Variants in LRPPRC observed in about 807,000 individuals in gnomAD.
The protein encoded by LRPPRC is leucine rich pentatricopeptide repeat containing.
A neutral mutation model predicts 180.3 loss-of-function variants in LRPPRC; 120 were observed. The ratio of observed to expected loss-of-function variants is 0.67; its 90% confidence interval spans 0.57 to 0.77. The LOEUF (loss-of-function observed/expected upper bound fraction) is 0.77, where lower values mean the gene tolerates loss of function less well. LRPPRC is among the 30% of genes least tolerant of loss of function. LRPPRC has a pLI of 0.00. For synonymous variants in LRPPRC, 723 were observed against 600.0 expected (o/e 1.21, Z -3.00); for missense variants, 2,012 against 1,657.2 (o/e 1.21, Z -3.72).
rs1672820671 is a variant in LRPPRC, at chr2:43,949,615, A to G, written c.1722T>C (p.Pro574=). Reference sequence around the variant, plus strand: ...TTGAAACGCTACCCGTCGGTCCTCGAGGCTCCTGGCAATAACGTCCATCCT... The same window carrying G: ...TTGAAACGCTACCCGTCGGTCCTCGGGGCTCCTGGCAATAACGTCCATCCT... ...LYKDGRYCQE[P]RGPTEAVGYF... is the part of the protein sequence containing the mutation. Residue 574 remains proline (P), a synonymous_variant, in exon 16 of 38, where the codon CCT becomes CCC. Transcript: ENST00000260665. The G allele has an allele frequency of 6.2e-7, 1 of 1,613,826 alleles. No individual in the cohort carries two copies. Among genetic ancestry groups the G allele is most frequent in the African/African-American group, 1.3e-5 (1 of 75,056 alleles).
chr2:43,909,411 G>A (rs1378250006), intron 30 of LRPPRC, among the ~76,000 whole-genome samples: 2 of 152,078 alleles, frequency 1.3e-5, no homozygotes, highest in African/African-American at 4.8e-5. Context: ...CTCAGAAGCA[G>A]AGTATGATGG....
At chr2:43,989,476 G>A (rs914112167) in intron 1 of LRPPRC, among the ~76,000 whole-genome samples, 2 of 152,184 alleles carry the variant, frequency 1.3e-5, no homozygotes, top group African/African-American at 4.8e-5. Context: ...GACCGATAAT[G>A]TGACATGGAC....
At chr2:43,961,959 C>T (rs1673364940) in intron 12 of LRPPRC, among the ~76,000 whole-genome samples, 1 of 151,992 alleles carries the variant, frequency 6.6e-6, no homozygotes, top group South Asian at 2.1e-4. Flanking sequence ...CAAGACTCTG[C>T]CTCAAAAAAC....
At chr2:43,916,671 A>G (rs1671478630) in intron 29 of LRPPRC, among the ~76,000 whole-genome samples, 1 of 152,180 alleles carries the variant, frequency 6.6e-6, no homozygotes, top group Admixed American at 6.5e-5. Context: ...AGAATAGTAC[A>G]GGTTGGGGGT....
chr2:43,974,499 G>A (rs1673961590), intron 8 of LRPPRC, 115 bp downstream of exon 8: 1 of 855,056 alleles, frequency 1.2e-6, no homozygotes. Context: ...CTGACTTTAA[G>A]AGTTCTATGT....
intron 27 of LRPPRC, 130 bp from the exon 28 acceptor site, chr2:43,918,528 C>T: frequency 2.7e-6 from 2 of 747,466 alleles, no homozygotes; most frequent in Admixed American, 4.7e-5. Flanking sequence ...GGGAAAGGAA[C>T]CAAAAGTGAC....
chr2:43,896,423 G>GT (rs201498849), intron 35 of LRPPRC: 1 of 479,116 alleles, frequency 2.1e-6, no homozygotes, highest in East Asian at 4.0e-5. Context: ...GCATACCTGT[G>GT]TAAGTGGAAA....
intron 31 of LRPPRC, 41 bp downstream of exon 31, chr2:43,905,651 G>T (rs1558913133): frequency 2.9e-6 from 4 of 1,390,044 alleles, no homozygotes; most frequent in Non-Finnish European, 3.1e-6. Context: ...AAAATCTGCA[G>T]AGGCATTAAT....
chr2:43,952,900 T>C lies in LRPPRC; in HGVS notation c.1650-2300A>G, dbSNP rs79689043. On this transcript the variant is annotated intron_variant, in intron 14 of 37. Transcript: ENST00000260665. ...ATCTGTCAATCTTAACTTCATCATG[T>C]AAACCTTTCAATGGCTCGAAGCCAT... Among the ~76,000 whole-genome samples, 617 of 152,312 alleles carry C rather than the reference T, an allele frequency of 4.1e-3. 25 individuals are homozygous for C. The East Asian group carries it at 0.096, about 24-fold the overall frequency.
intron 3 of LRPPRC, among the ~76,000 whole-genome samples, chr2:43,977,485 T>TA (rs1285479271): frequency 6.6e-6 from 1 of 152,116 alleles, no homozygotes; most frequent in African/African-American, 2.4e-5. Context: ...ACTGTATAGT[T>TA]ACAAGTAACT....
At chr2:43,915,232 T>TCTCTCTCTCTCTCTCTCTCTCACACA (rs1174216406) in intron 29 of LRPPRC, among the ~76,000 whole-genome samples, 1 of 51,838 alleles carries the variant, frequency 1.9e-5, no homozygotes, top group Non-Finnish European at 3.5e-5. Context: ...TCTCTCTCTC[T>TCTCTCTCTCTCTCTCTCTCTCACACA]CACACACACA....
At chr2:43,992,741 G>T (rs1375671903) in intron 1 of LRPPRC, among the ~76,000 whole-genome samples, 5 of 152,148 alleles carry the variant, frequency 3.3e-5, no homozygotes, top group Non-Finnish European at 2.9e-5. Context: ...GATCTTTCTG[G>T]AAGGCAGGTA....
chr2:43,974,426 A>G, intron 8 of LRPPRC, 131 bp from the exon 9 acceptor site: 1 of 833,896 alleles, frequency 1.2e-6, no homozygotes, highest in Non-Finnish European at 2.0e-6. Flanking sequence ...AAATAACAAT[A>G]AAACACCTGC....
At chr2:43,918,451 CA>C (rs1471375509) in intron 27 of LRPPRC, 53 bp from the exon 28 acceptor site, 1 of 1,250,150 alleles carries the variant, frequency 8.0e-7, no homozygotes, top group Non-Finnish European at 1.2e-6. Flanking sequence ...AAACAGAATA[CA>C]CAAAAATATT....
intron 31 of LRPPRC, chr2:43,901,881 T>C (rs1048408553): frequency 4.3e-6 from 1 of 231,796 alleles, no homozygotes; most frequent in African/African-American, 2.3e-5. Flanking sequence ...GTGTGACTTC[T>C]ATCCATGTTC....
Position 43,976,248 on chromosome 2 carries a change from G to C in LRPPRC, c.651-19C>G, listed in dbSNP as rs759962435. On this transcript the variant is annotated intron_variant, in intron 5 of 37. Transcript: ENST00000260665. ...AATCTTGCTGCAAAGGAAAAACGAA[G>C]ATACTCATTGAAAGTATTTATAAGA... 10 of 1,338,008 alleles carry C rather than the reference G, an allele frequency of 7.5e-6. No individual in the cohort carries two copies. Among genetic ancestry groups the C allele is most frequent in the African/African-American group, 2.9e-5 (2 of 69,862 alleles). The allele number at this position is 1,338,008 out of a possible 1,614,324, so 82.9% of individuals were successfully genotyped here.
At chr2:43,954,985 C>A (rs777936462) in intron 14 of LRPPRC, among the ~76,000 whole-genome samples, 53 of 152,116 alleles carry the variant, frequency 3.5e-4, no homozygotes, top group Non-Finnish European at 7.4e-4. Flanking sequence ...TGCTTCTATA[C>A]AGAGAAAAGC....
chr2:43,941,354 C>T (rs1355670895), intron 23 of LRPPRC, among the ~76,000 whole-genome samples: 4 of 152,116 alleles, frequency 2.6e-5, no homozygotes, highest in Non-Finnish European at 5.9e-5. Context: ...TTTACAGTGA[C>T]ATGCCAAAAA....
intron 37 of LRPPRC, 136 bp downstream of exon 37, chr2:43,889,598 A>G (rs1670408252): frequency 3.8e-6 from 3 of 786,124 alleles, no homozygotes; most frequent in Non-Finnish European, 6.7e-6. Context: ...TCAGTCCCTC[A>G]AGCCATCCCC....
Sources: allele counts gnomAD v4.1 joint callset (sites outside exome capture counted in the v4.1 genomes callset), GRCh38; gene constraint gnomAD v4.1.1; transcripts MANE v1.5; gene names NCBI Gene and HGNC (gene_info 2026-07-23, HGNC 2026-07-21).